Variants in BRAF observed in about 807,000 individuals in gnomAD.
BRAF encodes the protein serine/threonine-protein kinase B-raf.
In BRAF, 16 loss-of-function variants were observed where a neutral mutation model predicts 104.6. The ratio of observed to expected loss-of-function variants is 0.15; its 90% CI spans 0.10 to 0.23. The LOEUF is 0.23. Among genes scored for constraint, BRAF ranks in the 10% least tolerant of loss-of-function variants. The pLI, the probability that BRAF is intolerant of heterozygous loss-of-function variation, is 1.00. For synonymous variants in BRAF, 310 were observed against 341.6 expected, an observed-to-expected ratio of 0.91 and a Z score of 1.02; for missense variants, 541 against 937.3, an observed-to-expected ratio of 0.58 and a Z score of 5.52.
intron 14 of BRAF, among the ~76,000 whole-genome samples, chr7:140,767,160 C>T (rs751029061): frequency 7.9e-5 from 12 of 152,000 alleles, no homozygotes; most frequent in Admixed American, 1.3e-4. Flanking sequence ...CAGACCACCA[C>T]GCCTGGCTAA....
downstream of BRAF, among the ~76,000 whole-genome samples, chr7:140,716,033 T>C (rs189157926): frequency 1.3e-5 from 2 of 152,234 alleles, no homozygotes; most frequent in Non-Finnish European, 2.9e-5. Flanking sequence ...GAATTTCATA[T>C]TACCTAGCAT....
At chr7:140,754,078 A>G (rs2128999287) in intron 15 of BRAF, 109 bp downstream of exon 14, 2 of 1,112,878 alleles carry the variant, frequency 1.8e-6, no homozygotes, top group East Asian at 4.8e-5. Context: ...TTCTCTTTAC[A>G]GTATATCGAA....
chr7:140,787,406 A>T, intron 9 of BRAF, 142 bp downstream of exon 9: 1 of 741,010 alleles, frequency 1.3e-6, no homozygotes, highest in Non-Finnish European at 2.3e-6. Context: ...GACAAACACT[A>T]CAGAAAAACA....
intron 1 of BRAF, among the ~76,000 whole-genome samples, chr7:140,857,303 G>T (rs1016475850): frequency 6.6e-6 from 1 of 152,212 alleles, no homozygotes; most frequent in Non-Finnish European, 1.5e-5. Flanking sequence ...GCAGCTCTAG[G>T]AGCTGGAAAA....
intron 7 of BRAF, among the ~76,000 whole-genome samples, chr7:140,798,682 C>T (rs1241562021): frequency 6.6e-6 from 1 of 150,484 alleles, no homozygotes; most frequent in Non-Finnish European, 1.5e-5. Flanking sequence ...TAATTAGGTG[C>T]AGTGTCTCAC....
Position 140,829,646 on chromosome 7 carries a change from C to T in BRAF, c.504+4963G>A, listed in dbSNP as rs552383083. Reference sequence around the variant, plus strand: ...CCATCAGATCTTTAATGGCCCTGATCCACTGCCTTCTAGCCCTCAGTTTGC... The same window carrying T: ...CCATCAGATCTTTAATGGCCCTGATTCACTGCCTTCTAGCCCTCAGTTTGC... On this transcript the variant is annotated intron_variant, in intron 3 of 19. Transcript: ENST00000644969. Among the ~76,000 whole-genome samples, 10 of 152,264 alleles carry T rather than the reference C, an allele frequency of 6.6e-5. No homozygotes were observed. The South Asian group carries it at 2.1e-3, about 32-fold the overall frequency.
In BRAF at chr7:140,723,923, A is replaced by G. The variant is rs1370086236; in HGVS notation, c.*2571T>C. The G allele has an allele frequency of 9.6e-7, 1 of 1,043,116 alleles. No individual in the cohort carries two copies. Among genetic ancestry groups the G allele is most frequent in the Non-Finnish European group, 1.2e-6 (1 of 865,208 alleles). The allele number at this position is 1,043,116 out of a possible 1,614,324, so 64.6% of individuals were successfully genotyped here. ...AAAAAATAAAGCAGATAAAACACAA[A>G]TAAAACCTATTTTCATGTCATTTGT... On this transcript the variant is annotated 3_prime_UTR_variant, in exon 20 of 20. Transcript: ENST00000644969.
intron 19 of BRAF, chr7:140,733,858 C>T: frequency 4.7e-6 from 2 of 426,476 alleles, no homozygotes; most frequent in Non-Finnish European, 6.3e-6. Flanking sequence ...TTGACTTCTA[C>T]ATGAGCGAGA....
intron 16 of BRAF, among the ~76,000 whole-genome samples, chr7:140,751,265 G>C (rs1025939112): frequency 1.3e-5 from 2 of 151,672 alleles, no homozygotes; most frequent in African/African-American, 2.4e-5. Flanking sequence ...GACAAAACTG[G>C]AGACTTGATT....
chr7:140,782,463 CAAAA>C (rs56390228), intron 11 of BRAF, among the ~76,000 whole-genome samples: 1 of 103,584 alleles, frequency 9.7e-6, no homozygotes, highest in East Asian at 2.9e-4. Context: ...TCGGTCTTTC[CAAAA>C]AAAAAAAAAA....
intron 7 of BRAF, among the ~76,000 whole-genome samples, chr7:140,794,953 A>AG (rs1447355973): frequency 2.0e-5 from 3 of 152,228 alleles, no homozygotes; most frequent in African/African-American, 7.2e-5. Flanking sequence ...CCTTTACAGG[A>AG]GTTGAATGAA....
At chr7:140,917,252 G>T (rs1365936969) in intron 1 of BRAF, among the ~76,000 whole-genome samples, 1 of 152,018 alleles carries the variant, frequency 6.6e-6, no homozygotes, top group African/African-American at 2.4e-5. Flanking sequence ...GTAGAGAGGG[G>T]GTTTCACCAT....
intron 3 of BRAF, among the ~76,000 whole-genome samples, chr7:140,809,331 AG>A (rs1175825974): frequency 6.6e-6 from 1 of 152,256 alleles, no homozygotes; most frequent in Non-Finnish European, 1.5e-5. Flanking sequence ...CAATATTAAA[AG>A]CAAAATCAAT....
intron 14 of BRAF, chr7:140,758,106 A>C (rs1262634301): frequency 6.6e-6 from 1 of 152,242 alleles, no homozygotes; most frequent in East Asian, 1.9e-4. Flanking sequence ...TGACCTACTT[A>C]GACATTTGCA....
intron 16 of BRAF, 23 bp from the exon 16 acceptor site, chr7:140,749,441 A>T (rs2128994717): frequency 6.2e-7 from 1 of 1,611,168 alleles, no homozygotes; most frequent in Non-Finnish European, 8.5e-7. Flanking sequence ...ACAAAGAAAA[A>T]TATTCTTCAC....
At chr7:140,741,158 G>T (rs1305076821) in intron 17 of BRAF, 3 of 152,160 alleles carry the variant, frequency 2.0e-5, no homozygotes, top group Non-Finnish European at 2.9e-5. Flanking sequence ...GCTATCAGTG[G>T]AAAAGGTGGC....
chr7:140,718,323 A>T (rs11977567), downstream of BRAF, among the ~76,000 whole-genome samples: 7,970 of 151,632 alleles, frequency 0.053, 249 homozygotes, highest in Non-Finnish European at 0.069. Context: ...GCAATGGCAC[A>T]ATCTCGGTCG....
intron 3 of BRAF, among the ~76,000 whole-genome samples, chr7:140,822,053 G>T (rs759233185): frequency 1.2e-4 from 19 of 152,026 alleles, no homozygotes; most frequent in Non-Finnish European, 2.2e-4. Context: ...AAAACTATTG[G>T]CTACTATGCT....
the BRAF span, among the ~76,000 whole-genome samples, chr7:140,713,509 C>G: frequency 9.2e-5 from 14 of 152,140 alleles, no homozygotes; most frequent in Non-Finnish European, 1.6e-4. Context: ...GTTATCCATT[C>G]ATCTAATTTT....
Sources: allele counts gnomAD v4.1 joint callset (sites outside exome capture counted in the v4.1 genomes callset), GRCh38; gene constraint gnomAD v4.1.1; transcripts MANE v1.5; gene names NCBI Gene and HGNC (gene_info 2026-07-23, HGNC 2026-07-21).